The following TOP1 variants were observed in gnomAD, a reference collection of about 807,000 sequenced individuals.
The protein encoded by TOP1 is DNA topoisomerase 1.
A neutral mutation model predicts 111.1 loss-of-function variants in TOP1; 10 were observed. The observed-to-expected ratio is 0.09, with a 90% CI of 0.06 to 0.15. The LOEUF (loss-of-function observed/expected upper bound fraction) is 0.15. Ranked by LOEUF, TOP1 falls within the 10% of genes least tolerant of loss-of-function variation. The probability of loss-of-function intolerance (pLI) is 1.00; values close to 1 mark genes in which losing one functional copy is unlikely to be tolerated. For missense variants in TOP1, 474 were observed against 926.7 expected (o/e 0.51, Z 6.34); for synonymous variants, 271 against 302.9 (o/e 0.89, Z 1.10).
chr20:41,119,626 C>A (rs967299727), intron 18 of TOP1, among the ~76,000 whole-genome samples: 1 of 150,622 alleles, frequency 6.6e-6, no homozygotes. Flanking sequence ...TTGAGATTTC[C>A]TTAAGATAAG....
intron 8 of TOP1, among the ~76,000 whole-genome samples, chr20:41,091,881 T>C (rs1227277686): frequency 6.6e-6 from 1 of 152,198 alleles, no homozygotes; most frequent in East Asian, 1.9e-4. Flanking sequence ...TTTTTTCTTA[T>C]GTTCGACCAT....
In TOP1 at chr20:41,114,055, A is replaced by G. The variant is rs368340693; in HGVS notation, c.1538A>G (p.Asn513Ser). The change falls in exon 15 of 21, where the codon AAT (asparagine) becomes AGT (serine). Residue 513 changes from asparagine (N) to serine (S), a missense_variant. By Grantham distance (46) the Asn-to-Ser change is conservative. Transcript: ENST00000361337. This position sits in a 1 kb window ranked among gnomAD's most constrained non-coding sequence, Gnocchi z 4.5. ...TGCTCACTTCGTGTGGAGCACATCA[A>G]TCTACACCCAGAGTTGGATGGTCAG... The part of the protein sequence containing the change: ...GCCSLRVEHI[N>S]LHPELDGQEY... The G allele has an allele frequency of 5.7e-5, 92 of 1,614,058 alleles. No individual in the cohort carries two copies. Among genetic ancestry groups the G allele is most frequent in the African/African-American group, 9.3e-5 (7 of 74,948 alleles).
Position 41,098,496 on chromosome 20 carries a change from T to C in TOP1, c.975+159T>C. On this transcript the variant is annotated intron_variant, in intron 11 of 20. Coordinates refer to ENST00000361337, the MANE Select transcript of TOP1 (RefSeq NM_003286.4). The surrounding 1 kb of genome is among the most constrained non-coding windows in gnomAD (Gnocchi z 5.7). ...TCAAAGTCTAAATTTTCTTAAAGGT[T>C]TTAGTTAGACTGAAAATTGTGAACA... 1.2e-6 allele frequency: 1 copy of C among 814,420 alleles called. No individual in the cohort carries two copies. Among genetic ancestry groups the C allele is most frequent in the East Asian group, 2.9e-5 (1 of 35,040 alleles). The allele number at this position is 814,420 out of a possible 1,614,324, so 50.4% of individuals were successfully genotyped here.
intron 2 of TOP1, among the ~76,000 whole-genome samples, chr20:41,050,900 T>C (rs2122609412): frequency 9.3e-6 from 1 of 107,518 alleles, no homozygotes. Flanking sequence ...AGAATGTTGA[T>C]TTTTTTAAAA....
chr20:41,072,057 A>T (rs2033675252), intron 3 of TOP1, among the ~76,000 whole-genome samples: 1 of 152,228 alleles, frequency 6.6e-6, no homozygotes, highest in Non-Finnish European at 1.5e-5. Context: ...TACTCTTAGA[A>T]GACAAAATGG....
intron 7 of TOP1, 119 bp downstream of exon 7, chr20:41,081,359 A>G: frequency 8.3e-7 from 1 of 1,204,036 alleles, no homozygotes; most frequent in Non-Finnish European, 1.1e-6. Flanking sequence ...ACATTAGGGA[A>G]AACAAATTTA....
chr20:41,084,677 T>G, intron 8 of TOP1, 109 bp downstream of exon 8: 1 of 639,598 alleles, frequency 1.6e-6, no homozygotes, highest in Non-Finnish European at 2.6e-6. Context: ...GGGGAAATAC[T>G]TTAAACAATT....
In TOP1 at chr20:41,114,609, T is replaced by C. The variant is rs996331423; in HGVS notation, c.1638+454T>C. On this transcript the variant is annotated intron_variant, in intron 15 of 20. Transcript: ENST00000361337. The surrounding 1 kb of genome is among the most constrained non-coding windows in gnomAD (Gnocchi z 4.5). Reference sequence around the variant, plus strand: ...AGGCCCTTAGAGCAAACTCAGCATATGATTTAACTATATCTTAGTATCCCC... The same window carrying C: ...AGGCCCTTAGAGCAAACTCAGCATACGATTTAACTATATCTTAGTATCCCC... Among the ~76,000 whole-genome samples, 1 of 152,208 alleles carries C rather than the reference T, an allele frequency of 6.6e-6. No individual in the cohort carries two copies. The highest frequency in any genetic ancestry group is 2.4e-5 in the African/African-American group (1 of 41,454).
chr20:41,101,112 G>GA lies in TOP1; in HGVS notation c.1164-93dup. Reference sequence around the variant, plus strand: ...TATTGACTGTTAAGAAGGAAACTTGGAAAATTATGCTCAGCAGATAGGTCC... The same window carrying GA: ...TATTGACTGTTAAGAAGGAAACTTGGAAAAATTATGCTCAGCAGATAGGTCC... On this transcript the variant is annotated intron_variant, in intron 12 of 20. Coordinates refer to ENST00000361337, the MANE Select transcript of TOP1 (RefSeq NM_003286.4). The surrounding 1 kb of genome is among the most constrained non-coding windows in gnomAD (Gnocchi z 4.1). The GA allele has an allele frequency of 7.2e-7, 1 of 1,380,394 alleles. No homozygotes were observed. Among genetic ancestry groups the GA allele is most frequent in the South Asian group, 1.3e-5 (1 of 77,642 alleles). The allele number at this position is 1,380,394 out of a possible 1,614,324, so 85.5% of individuals were successfully genotyped here. A position where few individuals can be genotyped will look rare whatever the true frequency, so the allele number is the denominator to read the frequency against.
At chr20:41,039,900 C>G (rs907133961) in intron 2 of TOP1, among the ~76,000 whole-genome samples, 2 of 151,864 alleles carry the variant, frequency 1.3e-5, no homozygotes, top group African/African-American at 4.8e-5. Context: ...GAGCGAGACT[C>G]CATCTCAAAA....
intron 18 of TOP1, among the ~76,000 whole-genome samples, chr20:41,120,636 C>T (rs1437820587): frequency 6.6e-6 from 1 of 152,176 alleles, no homozygotes; most frequent in Non-Finnish European, 1.5e-5. Context: ...TTGTCTCTTC[C>T]CTTATAGATA....
chr20:41,077,680 A>T, intron 5 of TOP1, 43 bp downstream of exon 5: 4 of 1,573,526 alleles, frequency 2.5e-6, no homozygotes, highest in Non-Finnish European at 3.5e-6. Context: ...CTCTGGGTGG[A>T]CAGCAGGCCA....
chr20:41,042,759 AGCCTT>A lies in TOP1; in HGVS notation c.58+13305_58+13309del, dbSNP rs2033283564. Among the ~76,000 whole-genome samples, 3 of 152,354 alleles carry A rather than the reference AGCCTT, an allele frequency of 2.0e-5. No homozygotes were observed. The South Asian group carries it at 6.2e-4, about 32-fold the overall frequency. Reference sequence around the variant, plus strand: ...AACTAATAGCCTACTGTTGACCAGAAGCCTTACTGATAACAGAAACAGTCAATTAA... The same window carrying A: ...AACTAATAGCCTACTGTTGACCAGAAACTGATAACAGAAACAGTCAATTAA... On this transcript the variant is annotated intron_variant, in intron 2 of 20. Transcript: ENST00000361337.
chr20:41,104,601 G>A (rs1205418244), intron 13 of TOP1, among the ~76,000 whole-genome samples: 1 of 152,186 alleles, frequency 6.6e-6, no homozygotes. Flanking sequence ...ATAGACATTT[G>A]TGCAAGTTTC....
chr20:41,102,684 G>A lies in TOP1; in HGVS notation c.1308+1331G>A, dbSNP rs373755931. Among the ~76,000 whole-genome samples, 23 of 152,202 alleles carry A rather than the reference G, an allele frequency of 1.5e-4. No individual in the cohort carries two copies. The highest frequency in any genetic ancestry group is 5.3e-4 in the African/African-American group (22 of 41,520). On this transcript the variant is annotated intron_variant, in intron 13 of 20. Coordinates refer to ENST00000361337, the MANE Select transcript of TOP1 (RefSeq NM_003286.4). This position sits in a 1 kb window ranked among gnomAD's most constrained non-coding sequence, Gnocchi z 4.0. ...TTAGATAAGTACAAAATCAGAAAGC[G>A]AACACTTATGTTGAGCAGACTAGTC...
intron 17 of TOP1, among the ~76,000 whole-genome samples, chr20:41,117,283 TACGACCATACC>T (rs34492298): frequency 0.13 from 19,401 of 151,332 alleles, 1,430 homozygotes; most frequent in Non-Finnish European, 0.16. Context: ...TGTAATGAGC[TACGACCATACC>T]ACCGCACTCC....
In TOP1 at chr20:41,092,375, A is replaced by G. The variant is rs1415109637; in HGVS notation, c.615-97A>G. 2 of 565,940 alleles carry G rather than the reference A, an allele frequency of 3.5e-6. No homozygotes were observed. The highest frequency in any genetic ancestry group is 1.9e-5 in the African/African-American group (1 of 51,648). 35.1% of individuals were successfully genotyped at this position (565,940 alleles called of 1,614,324 possible). A position where few individuals can be genotyped will look rare whatever the true frequency, so the allele number is the denominator to read the frequency against. ...GGCCCAGAAGTCATTCCAGAGCACT[A>G]ATCAGTTGAGCGGATAATTATTTGG... On this transcript the variant is annotated intron_variant, in intron 8 of 20. Coordinates refer to ENST00000361337, the MANE Select transcript of TOP1 (RefSeq NM_003286.4). This position sits in a 1 kb window ranked among gnomAD's most constrained non-coding sequence, Gnocchi z 4.3.
intron 3 of TOP1, among the ~76,000 whole-genome samples, chr20:41,064,457 T>C (rs1395813784): frequency 1.3e-5 from 2 of 152,344 alleles, no homozygotes; most frequent in South Asian, 2.1e-4. Context: ...GCCACCTTTT[T>C]CACCTCTTTC....
In TOP1 at chr20:41,082,693, C is replaced by T. The variant is rs576714360; in HGVS notation, c.507+1453C>T. Reference sequence around the variant, plus strand: ...TTTTGACAACTAGTCTATTCTTGGCCGAAGTTCAAATTAATAAGCACTAAT... The same window carrying T: ...TTTTGACAACTAGTCTATTCTTGGCTGAAGTTCAAATTAATAAGCACTAAT... On this transcript the variant is annotated intron_variant, in intron 7 of 20. Transcript: ENST00000361337. This position sits in a 1 kb window ranked among gnomAD's most constrained non-coding sequence, Gnocchi z 4.1. Among the ~76,000 whole-genome samples, 14 of 152,112 alleles carry T rather than the reference C, an allele frequency of 9.2e-5. No individual in the cohort carries two copies. The South Asian group carries it at 2.1e-3, about 23-fold the overall frequency.
Sources: gnomAD v4.1 joint callset for allele counts (sites outside exome capture counted in the v4.1 genomes callset) on GRCh38, gnomAD v4.1.1 for gene constraint, Gnocchi (gnomAD v3.1) non-coding constraint, MANE v1.5 for transcripts, NCBI Gene and HGNC (gene_info 2026-07-23, HGNC 2026-07-21) for gene names.